The following TMTC2 variants were observed in gnomAD, a reference collection of about 807,000 sequenced individuals.
TMTC2 encodes the protein transmembrane O-mannosyltransferase targeting cadherins 2.
Under a neutral mutation model 82.4 loss-of-function variants are expected in TMTC2, and 43 were observed. That is an observed-to-expected ratio of 0.52 (90% CI 0.41 to 0.67). TMTC2 has a LOEUF of 0.67. TMTC2 is among the 30% of genes least tolerant of loss of function. The pLI is 0.00. For synonymous variants in TMTC2, 408 were observed against 381.9 expected (o/e 1.07, Z -0.80); for missense variants, 919 against 1,012.4 (o/e 0.91, Z 1.25).
Position 82,827,961 on chromosome 12 carries a change from C to T in TMTC2, c.84-29049C>T, listed in dbSNP as rs138548246. On this transcript the variant is annotated intron_variant, in intron 1 of 11. Coordinates refer to ENST00000321196, the MANE Select transcript of TMTC2 (RefSeq NM_152588.3). ...GAGCTGGAGTGCAGTGGCACGATCTCGGCTCACTGCAACCTCCGCCTCCCC... is the reference window on the plus strand; with the variant it reads ...GAGCTGGAGTGCAGTGGCACGATCTTGGCTCACTGCAACCTCCGCCTCCCC... 6.7e-3 allele frequency among the ~76,000 whole-genome samples: 1,012 copies of T among 150,836 alleles called. 12 individuals are homozygous for T. Among genetic ancestry groups the T allele is most frequent in the African/African-American group, 0.018 (751 of 41,018 alleles).
intron 8 of TMTC2, among the ~76,000 whole-genome samples, chr12:83,006,049 C>T (rs1880186763): frequency 6.6e-6 from 1 of 152,176 alleles, no homozygotes; most frequent in East Asian, 1.9e-4. Flanking sequence ...GTCCCCCCTA[C>T]CAGCTCAACT....
At chr12:82,892,656 T>G (rs556786972) in intron 2 of TMTC2, among the ~76,000 whole-genome samples, 105 of 152,342 alleles carry the variant, frequency 6.9e-4, no homozygotes, top group African/African-American at 2.4e-3. Flanking sequence ...TTGGCTTCTC[T>G]TCTTGCCTGA....
chr12:83,113,767 C>T (rs1200954437), intron 11 of TMTC2, among the ~76,000 whole-genome samples: 1 of 152,090 alleles, frequency 6.6e-6, no homozygotes, highest in Non-Finnish European at 1.5e-5. Context: ...AAATAGAATG[C>T]GATGCATCAG....
At chr12:82,993,490 T>C (rs1170987239) in intron 8 of TMTC2, among the ~76,000 whole-genome samples, 1 of 152,150 alleles carries the variant, frequency 6.6e-6, no homozygotes, top group Non-Finnish European at 1.5e-5. Context: ...AAGTTAGATG[T>C]GTCATAAATA....
intron 1 of TMTC2, among the ~76,000 whole-genome samples, chr12:82,779,039 A>C (rs1229033527): frequency 8.9e-6 from 1 of 112,784 alleles, no homozygotes; most frequent in African/African-American, 3.5e-5. Flanking sequence ...TCCATATCAA[A>C]AAAAAAAAAA....
At chr12:82,922,137 A>G (rs1000660929) in intron 3 of TMTC2, among the ~76,000 whole-genome samples, 12 of 152,166 alleles carry the variant, frequency 7.9e-5, no homozygotes, top group Admixed American at 2.0e-4. Flanking sequence ...TGTTATTTAC[A>G]CTTCATCACA....
intron 11 of TMTC2, among the ~76,000 whole-genome samples, chr12:83,101,916 A>C (rs896873076): frequency 3.3e-5 from 5 of 152,238 alleles, no homozygotes; most frequent in African/African-American, 9.6e-5. Context: ...AAATAATTGC[A>C]TGAGAATAAA....
intron 3 of TMTC2, among the ~76,000 whole-genome samples, chr12:82,902,863 T>C (rs1287225799): frequency 1.3e-5 from 2 of 152,140 alleles, no homozygotes; most frequent in Non-Finnish European, 2.9e-5. Flanking sequence ...GAATCTAAAA[T>C]AAAAGCTGAA....
intron 8 of TMTC2, among the ~76,000 whole-genome samples, chr12:83,016,588 T>C (rs1018561221): frequency 2.0e-5 from 3 of 152,244 alleles, no homozygotes; most frequent in Admixed American, 2.0e-4. Flanking sequence ...TATCCAGTGC[T>C]GCACACAATG....
At chr12:82,996,217 T>G (rs149088367) in intron 8 of TMTC2, among the ~76,000 whole-genome samples, 2 of 152,206 alleles carry the variant, frequency 1.3e-5, no homozygotes, top group African/African-American at 4.8e-5. Flanking sequence ...GCTGAGTTTT[T>G]AATTTGAATG....
chr12:82,905,959 AAG>A (rs1874280031), intron 3 of TMTC2, among the ~76,000 whole-genome samples: 1 of 151,930 alleles, frequency 6.6e-6, no homozygotes, highest in Admixed American at 6.6e-5. Flanking sequence ...AAAAAAAAAA[AAG>A]AGAAAGGAAA....
chr12:82,987,511 T>C (rs577068208), intron 8 of TMTC2, among the ~76,000 whole-genome samples: 3 of 151,950 alleles, frequency 2.0e-5, no homozygotes, highest in Non-Finnish European at 2.9e-5. Context: ...TTAGATCTAC[T>C]TAATAAAATA....
chr12:83,000,166 G>C (rs548636860), intron 8 of TMTC2, among the ~76,000 whole-genome samples: 1 of 151,730 alleles, frequency 6.6e-6, no homozygotes, highest in East Asian at 2.0e-4. Context: ...GCAGATTCTC[G>C]CTCTGTCGCC....
chr12:82,727,350 T>C (rs1352339608), intron 1 of TMTC2, among the ~76,000 whole-genome samples: 1 of 152,124 alleles, frequency 6.6e-6, no homozygotes, highest in African/African-American at 2.4e-5. Context: ...TCAATATGAT[T>C]CTCTGTTATT....
At chr12:82,946,314 A>G (rs751622464) in intron 4 of TMTC2, among the ~76,000 whole-genome samples, 13 of 152,202 alleles carry the variant, frequency 8.5e-5, no homozygotes, top group Non-Finnish European at 1.6e-4. Context: ...TATGTGTTCA[A>G]TAAATAATAG....
rs952322024 is a variant in TMTC2, at chr12:82,965,727, G to A, written c.1852G>A (p.Glu618Lys). 6.2e-7 allele frequency: 1 copy of A among 1,613,694 alleles called. No individual in the cohort carries two copies. The highest frequency in any genetic ancestry group is 8.5e-7 in the Non-Finnish European group (1 of 1,179,846). ...CLYNLGKLYH[E>K]QGHYEEALSV... ...GTACAACCTAGGAAAGCTGTATCAT[G>A]AGCAGGGACACTATGAGGTCTGGCC... is the stretch of plus-strand genomic sequence containing the variant. Residue 618 changes from glutamate (E) to lysine (K), a missense_variant, in exon 6 of 12, where the codon GAG (glutamate) becomes AAG (lysine). Glu to Lys is a moderately conservative substitution (Grantham distance 56). Transcript: ENST00000321196.
intron 1 of TMTC2, among the ~76,000 whole-genome samples, chr12:82,840,969 G>T (rs1312166839): frequency 1.3e-5 from 2 of 151,940 alleles, no homozygotes; most frequent in African/African-American, 2.4e-5. Context: ...TAGTAGAGAC[G>T]GGATTTCACT....
intron 3 of TMTC2, among the ~76,000 whole-genome samples, chr12:82,904,982 CTT>C (rs370846723): frequency 5.2e-5 from 7 of 133,888 alleles, no homozygotes; most frequent in African/African-American, 1.1e-4. Flanking sequence ...TTTTTTGTTT[CTT>C]TTTTTTTTTT....
rs1220480667 is a variant in TMTC2, at chr12:82,857,124, G to C, written c.198G>C (p.Arg66=). The C allele has an allele frequency of 1.9e-6, 3 of 1,613,952 alleles. No individual in the cohort carries two copies. Among genetic ancestry groups the C allele is most frequent in the Non-Finnish European group, 2.5e-6 (3 of 1,180,036 alleles). Residue 66 remains arginine, a synonymous_variant, in exon 2 of 12, where the codon CGG becomes CGC. Coordinates refer to ENST00000321196, the MANE Select transcript of TMTC2 (RefSeq NM_152588.3). ...ACAGTGGCAGCCACAAGTCCTACCG[G>C]CCACTCTGCACTCTTTCTTTTCGCC... ...LTHSGSHKSY[R]PLCTLSFRLN...
Sources: allele counts gnomAD v4.1 joint callset (sites outside exome capture counted in the v4.1 genomes callset), GRCh38; gene constraint gnomAD v4.1.1; transcripts MANE v1.5; gene names NCBI Gene and HGNC (gene_info 2026-07-23, HGNC 2026-07-21).